MAPK9: variants seen among roughly 807,000 people sequenced by gnomAD.
MAPK9 encodes the protein mitogen-activated protein kinase 9.
MAPK9 carries 30 observed loss-of-function variants against 57.1 expected under a neutral mutation model. That is an observed-to-expected ratio of 0.53 (90% CI 0.39 to 0.71). MAPK9 has a LOEUF of 0.71. Ranked by LOEUF, MAPK9 falls within the 30% of genes least tolerant of loss-of-function variation. The pLI, the probability that MAPK9 is intolerant of heterozygous loss-of-function variation, is 0.00. For missense variants in MAPK9, 362 were observed against 521.0 expected (o/e 0.69, Z 2.97); for synonymous variants, 155 against 177.0 (o/e 0.88, Z 0.99).
Position 180,236,301 on chromosome 5 carries a change from T to C in MAPK9, c.*83A>G. The C allele has an allele frequency of 7.0e-7, 1 of 1,427,742 alleles. No individual in the cohort carries two copies. The highest frequency in any genetic ancestry group is 1.5e-5 in the South Asian group (1 of 68,270). The allele number at this position is 1,427,742 out of a possible 1,614,324, so 88.4% of individuals were successfully genotyped here. ...CATGCAGAACATGGAGTTTTTCTAT[T>C]TGGTTCCATCAACTCCCAAGCATTT... On this transcript the variant is annotated 3_prime_UTR_variant, in exon 12 of 12. Coordinates refer to ENST00000452135, the MANE Select transcript of MAPK9 (RefSeq NM_002752.5).
chr5:180,245,078 C>T (rs1757978347), intron 7 of MAPK9, among the ~76,000 whole-genome samples: 1 of 152,200 alleles, frequency 6.6e-6, no homozygotes, highest in Admixed American at 6.5e-5. Flanking sequence ...GGGGCTAAGT[C>T]CCGGGTCCTG....
At chr5:180,239,442 A>G (rs1231475539) in intron 10 of MAPK9, among the ~76,000 whole-genome samples, 1 of 152,242 alleles carries the variant, frequency 6.6e-6, no homozygotes, top group Non-Finnish European at 1.5e-5. Context: ...GTTCTCAGTT[A>G]CTACTGATCC....
intron 2 of MAPK9, among the ~76,000 whole-genome samples, chr5:180,271,168 C>T (rs972016425): frequency 6.6e-6 from 1 of 152,088 alleles, no homozygotes; most frequent in Non-Finnish European, 1.5e-5. Context: ...TAAATATATA[C>T]AATTTTTATT....
At chr5:180,272,405 G>A (rs1198311622) in intron 2 of MAPK9, among the ~76,000 whole-genome samples, 2 of 152,198 alleles carry the variant, frequency 1.3e-5, no homozygotes, top group Non-Finnish European at 2.9e-5. Context: ...GCCCGATACT[G>A]TACTGATTCC....
chr5:180,238,993 G>T (rs1757430583), intron 10 of MAPK9, among the ~76,000 whole-genome samples: 1 of 152,170 alleles, frequency 6.6e-6, no homozygotes, highest in Non-Finnish European at 1.5e-5. Flanking sequence ...TTATGAAGTG[G>T]AGTGGCTCCC....
At position 180,261,702 on chromosome 5, in the gene MAPK9, T is replaced by A. The variant is rs1759986978; in HGVS notation, c.432A>T (p.Ser144=). 1 of 1,611,412 alleles carries A rather than the reference T, an allele frequency of 6.2e-7. No individual in the cohort carries two copies. The highest frequency in any genetic ancestry group is 8.5e-7 in the Non-Finnish European group (1 of 1,178,794). ...CACTTACTCTATGAATTATACCAGC[T>A]GAATGCAGATGTTTAATACCACAAA... ...QMLCGIKHLH[S]AGIIHRDLKP... The change falls in exon 5 of 12, where the codon TCA becomes TCT. Residue 144 remains serine, a synonymous_variant. Transcript: ENST00000452135.
chr5:180,280,039 G>C (rs2127621268), intron 2 of MAPK9: 2 of 457,916 alleles, frequency 4.4e-6, no homozygotes, highest in Non-Finnish European at 8.8e-6. Context: ...GATGGCGCCT[G>C]GAAATGAACA....
chr5:180,266,279 T>C (rs977139129), intron 3 of MAPK9, among the ~76,000 whole-genome samples: 7 of 151,538 alleles, frequency 4.6e-5, no homozygotes, highest in African/African-American at 1.7e-4. Flanking sequence ...CAGTATGTAG[T>C]GCTGGGGGAT....
intron 2 of MAPK9, among the ~76,000 whole-genome samples, chr5:180,279,020 C>T (rs1021848330): frequency 2.0e-5 from 3 of 149,890 alleles, no homozygotes; most frequent in Admixed American, 1.3e-4. Flanking sequence ...TGCAGTGGCG[C>T]GATCTTGGCT....
chr5:180,236,744 ATTC>A (rs2127572003), intron 11 of MAPK9: 2 of 421,256 alleles, frequency 4.7e-6, no homozygotes, highest in Non-Finnish European at 8.4e-6. Context: ...TCCTTGCAAG[ATTC>A]TTCTTTTTTT....
intron 2 of MAPK9, chr5:180,280,006 A>G: frequency 2.2e-6 from 1 of 457,020 alleles, no homozygotes; most frequent in South Asian, 1.5e-5. Flanking sequence ...TCATCCTGCC[A>G]ATGAATGGCA....
chr5:180,241,220 G>A, intron 8 of MAPK9, 65 bp from the exon 9 acceptor site: 2 of 1,419,916 alleles, frequency 1.4e-6, no homozygotes, highest in East Asian at 2.4e-5. Context: ...ATACAATAAA[G>A]AACTAAATAT....
At chr5:180,263,385 A>G (rs577210784) in intron 4 of MAPK9, among the ~76,000 whole-genome samples, 3 of 152,298 alleles carry the variant, frequency 2.0e-5, no homozygotes, top group South Asian at 4.1e-4. Context: ...CAACAGCAGT[A>G]ACTGATGTTC....
intron 2 of MAPK9, among the ~76,000 whole-genome samples, chr5:180,271,499 A>C (rs1761310712): frequency 6.6e-6 from 1 of 152,138 alleles, no homozygotes; most frequent in Non-Finnish European, 1.5e-5. Flanking sequence ...TTTAAGTAAC[A>C]CCCCTAATCT....
chr5:180,242,643 A>G lies in MAPK9; in HGVS notation c.801T>C (p.Pro267=). The change falls in exon 8 of 12, where the codon CCT becomes CCC. Residue 267 remains proline, a synonymous_variant. Coordinates refer to ENST00000452135, the MANE Select transcript of MAPK9 (RefSeq NM_002752.5). ...RNYVENRPKY[P]GIKFEELFPD... ...GAAAGAGTTCTTCAAATTTGATTCC[A>G]GGATACTTTGGTCTGTTTTCGACAT... 1 of 1,614,196 alleles carries G rather than the reference A, an allele frequency of 6.2e-7. No homozygotes were observed. Among genetic ancestry groups the G allele is most frequent in the Non-Finnish European group, 8.5e-7 (1 of 1,180,024 alleles).
intron 1 of MAPK9, among the ~76,000 whole-genome samples, chr5:180,281,779 G>A (rs977984096): frequency 2.6e-5 from 4 of 152,170 alleles, no homozygotes; most frequent in Non-Finnish European, 5.9e-5. Context: ...AGTGACCACT[G>A]CCCCACGGTC....
At chr5:180,241,297 A>C in intron 8 of MAPK9, 142 bp from the exon 9 acceptor site, 3 of 906,024 alleles carry the variant, frequency 3.3e-6, no homozygotes, top group South Asian at 2.3e-5. Context: ...GATGAATATA[A>C]CCCAAAATTT....
At position 180,247,320 on chromosome 5, in the gene MAPK9, G is replaced by T; in HGVS notation, c.688+119C>A. 1 of 1,098,588 alleles carries T rather than the reference G, an allele frequency of 9.1e-7. No individual in the cohort carries two copies. The highest frequency in any genetic ancestry group is 1.3e-5 in the South Asian group (1 of 74,404). 68.1% of individuals were successfully genotyped at this position (1,098,588 alleles called of 1,614,324 possible). On this transcript the variant is annotated intron_variant, in intron 7 of 11. Transcript: ENST00000452135. The surrounding 1 kb of genome is among the most constrained non-coding windows in gnomAD (Gnocchi z 4.5). ...AACAAATACAGTAAAGCCCCCCTTA[G>T]AACACAGTCTGGAGTGGATTTTACG...
rs769307274 is a variant in MAPK9, at chr5:180,264,823, T to C, written c.269A>G (p.Asn90Ser). The change falls in exon 4 of 12, where the codon AAT (asparagine) becomes AGT (serine). Residue 90 changes from asparagine (N) to serine (S), a missense_variant. By Grantham distance (46) the Asn-to-Ser change is conservative. Coordinates refer to ENST00000452135, the MANE Select transcript of MAPK9 (RefSeq NM_002752.5). ...TAGAGTTTTTTGTGGTGTAAACACA[T>C]TTAACAAACTAATTATCTGAAAAGA... ...VNHKNIISLL[N>S]VFTPQKTLEE... is the part of the protein sequence containing the mutation. The C allele has an allele frequency of 1.9e-6, 3 of 1,551,022 alleles. No individual in the cohort carries two copies. Among genetic ancestry groups the C allele is most frequent in the East Asian group, 2.3e-5 (1 of 43,486 alleles).
Sources: allele counts gnomAD v4.1 joint callset (sites outside exome capture counted in the v4.1 genomes callset), GRCh38; gene constraint gnomAD v4.1.1; non-coding constraint Gnocchi (gnomAD v3.1); transcripts MANE v1.5; gene names NCBI Gene and HGNC (gene_info 2026-07-23, HGNC 2026-07-21).